The following NELL1 variants were observed in gnomAD, a reference collection of about 807,000 sequenced individuals.
NELL1 encodes the protein neural EGFL like 1, also known as protein kinase C-binding protein NELL1.
A neutral mutation model predicts 107.4 loss-of-function variants in NELL1; 76 were observed. That is an observed-to-expected ratio of 0.71 (90% CI 0.59 to 0.86). NELL1 has a LOEUF of 0.86. Ranked by LOEUF, NELL1 falls within the 40% of genes least tolerant of loss-of-function variation. The pLI is 0.00. For missense variants in NELL1, 1,024 were observed against 1,005.5 expected (o/e 1.02, Z -0.25); for synonymous variants, 353 against 341.2 (o/e 1.03, Z -0.38).
chr11:20,680,522 T>C (rs2133853470), intron 2 of NELL1, among the ~76,000 whole-genome samples: 1 of 152,190 alleles, frequency 6.6e-6, no homozygotes, highest in Non-Finnish European at 1.5e-5. Context: ...AAACAGGTAA[T>C]CTGCTTCCAA....
At chr11:20,952,113 ACAGACCCAT>A (rs1302770244) in intron 11 of NELL1, among the ~76,000 whole-genome samples, 1 of 152,062 alleles carries the variant, frequency 6.6e-6, no homozygotes, top group Non-Finnish European at 1.5e-5. Flanking sequence ...CTCCAGGAAA[ACAGACCCAT>A]CATTTGACCC....
At chr11:20,755,541 T>TTTA (rs1387834096) in intron 2 of NELL1, among the ~76,000 whole-genome samples, 1 of 13,468 alleles carries the variant, frequency 7.4e-5, no homozygotes, top group African/African-American at 1.2e-4. Context: ...TGGGTTTTTG[T>TTTA]TTTTTTTTGT....
chr11:21,085,571 C>T (rs1854370948), intron 12 of NELL1, among the ~76,000 whole-genome samples: 1 of 152,006 alleles, frequency 6.6e-6, no homozygotes, highest in African/African-American at 2.4e-5. Flanking sequence ...AGGAGTTCAA[C>T]GTTACAGTGA....
intron 15 of NELL1, among the ~76,000 whole-genome samples, chr11:21,453,231 A>C (rs985104054): frequency 3.3e-5 from 5 of 152,084 alleles, no homozygotes; most frequent in Admixed American, 1.3e-4. Context: ...CTATAATTGT[A>C]GATTTGTCCA....
At chr11:20,851,957 G>A (rs1237948536) in intron 4 of NELL1, among the ~76,000 whole-genome samples, 2 of 152,162 alleles carry the variant, frequency 1.3e-5, no homozygotes, top group Non-Finnish European at 2.9e-5. Context: ...TGGAAACAGT[G>A]AACTCCCAGC....
chr11:21,038,867 GA>G (rs1252977640), intron 12 of NELL1, among the ~76,000 whole-genome samples: 13 of 152,172 alleles, frequency 8.5e-5, no homozygotes, highest in African/African-American at 2.4e-5. Flanking sequence ...TATTTCAGAT[GA>G]TTTTTTTGTT....
At chr11:20,700,934 G>C (rs1001762278) in intron 2 of NELL1, among the ~76,000 whole-genome samples, 9 of 152,134 alleles carry the variant, frequency 5.9e-5, no homozygotes, top group African/African-American at 1.4e-4. Flanking sequence ...TCAGTTCCAA[G>C]TCTTTGCTAT....
intron 15 of NELL1, among the ~76,000 whole-genome samples, chr11:21,437,344 G>T (rs1853148211): frequency 1.3e-5 from 2 of 152,040 alleles, no homozygotes. Context: ...TTGCTGAATT[G>T]ATCACATTTT....
Position 20,695,506 on chromosome 11 carries a change from C to T in NELL1, c.184+17446C>T, listed in dbSNP as rs144631838. Among the ~76,000 whole-genome samples, 265 of 152,062 alleles carry T rather than the reference C, an allele frequency of 1.7e-3. 1 individual carries two copies. Among genetic ancestry groups the T allele is most frequent in the African/African-American group, 6.2e-3 (259 of 41,502 alleles). ...CTTGAGGGTTTTTATCATAAAGAGA[C>T]GTTGGATTTTATCAAAAGCTTTTTC... On this transcript the variant is annotated intron_variant, in intron 2 of 19. Transcript: ENST00000357134.
chr11:20,937,185 A>T (rs1442073677), intron 9 of NELL1, among the ~76,000 whole-genome samples: 1 of 152,176 alleles, frequency 6.6e-6, no homozygotes, highest in East Asian at 1.9e-4. Flanking sequence ...GAAATTTTCT[A>T]CAAGTTCACC....
At chr11:21,459,359 A>AAAAAAAG (rs1328107614) in intron 15 of NELL1, among the ~76,000 whole-genome samples, 1 of 151,116 alleles carries the variant, frequency 6.6e-6, no homozygotes, top group Non-Finnish European at 1.5e-5. Flanking sequence ...TTCACTAGCA[A>AAAAAAAG]AAAAAAAAAA....
intron 2 of NELL1, among the ~76,000 whole-genome samples, chr11:20,779,253 T>A (rs1856809481): frequency 6.6e-6 from 1 of 152,180 alleles, no homozygotes; most frequent in South Asian, 2.1e-4. Context: ...GACATGACTG[T>A]CATTCTGAAG....
At chr11:21,541,974 C>T (rs1856303211) in intron 16 of NELL1, among the ~76,000 whole-genome samples, 1 of 152,064 alleles carries the variant, frequency 6.6e-6, no homozygotes, top group Non-Finnish European at 1.5e-5. Flanking sequence ...ACAAAAGCAT[C>T]AACCTCATAC....
chr11:21,154,045 T>A (rs1312785885), intron 13 of NELL1, among the ~76,000 whole-genome samples: 1 of 152,162 alleles, frequency 6.6e-6, no homozygotes, highest in South Asian at 2.1e-4. Flanking sequence ...TCCCATTTAA[T>A]GGACAAGATG....
intron 3 of NELL1, among the ~76,000 whole-genome samples, chr11:20,829,674 A>G (rs989039630): frequency 3.3e-5 from 5 of 152,076 alleles, no homozygotes; most frequent in African/African-American, 9.7e-5. Context: ...AAATGTTACA[A>G]TTTGTCAGAC....
chr11:20,836,005 G>A (rs1472112598), intron 3 of NELL1, among the ~76,000 whole-genome samples: 1 of 151,830 alleles, frequency 6.6e-6, no homozygotes, highest in Non-Finnish European at 1.5e-5. Flanking sequence ...TTATAGATTG[G>A]GAGAAATATT....
intron 12 of NELL1, among the ~76,000 whole-genome samples, chr11:21,044,384 T>C (rs1853307005): frequency 6.6e-6 from 1 of 151,652 alleles, no homozygotes; most frequent in South Asian, 2.1e-4. Flanking sequence ...AAAGGAAGAG[T>C]GAATTAAAAG....
At chr11:21,291,128 C>T (rs1368493117) in intron 14 of NELL1, among the ~76,000 whole-genome samples, 1 of 152,154 alleles carries the variant, frequency 6.6e-6, no homozygotes, top group African/African-American at 2.4e-5. Flanking sequence ...CCAGAATAAC[C>T]AGTTCAGAGA....
intron 3 of NELL1, among the ~76,000 whole-genome samples, chr11:20,802,303 C>G (rs1857295548): frequency 6.6e-6 from 1 of 151,656 alleles, no homozygotes; most frequent in South Asian, 2.1e-4. Flanking sequence ...AGATCTTTCA[C>G]TTTTTTGGTT....
Sources: allele counts gnomAD v4.1 joint callset (sites outside exome capture counted in the v4.1 genomes callset), GRCh38; gene constraint gnomAD v4.1.1; transcripts MANE v1.5; gene names NCBI Gene and HGNC (gene_info 2026-07-23, HGNC 2026-07-21).